The following AKT1 variants were observed in gnomAD, a reference collection of about 807,000 sequenced individuals.
AKT1 encodes AKT serine/threonine kinase 1.
In AKT1, 21 loss-of-function variants were observed where a neutral mutation model predicts 63.1. The ratio of observed to expected loss-of-function variants is 0.33; its 90% CI spans 0.24 to 0.48. The LOEUF (loss-of-function observed/expected upper bound fraction) is 0.48. AKT1 is among the 20% of genes least tolerant of loss of function. The pLI is 0.99. For synonymous variants in AKT1, 257 were observed against 253.1 expected (o/e 1.02, Z -0.15); for missense variants, 382 against 666.0 (o/e 0.57, Z 4.69).
chr14:104,780,348 C>T (rs1035025344), intron 3 of AKT1, 132 bp from the exon 4 acceptor site: 36 of 1,281,488 alleles, frequency 2.8e-5, no homozygotes, highest in Admixed American at 1.0e-4. Flanking sequence ...AGGCGCGGTA[C>T]GGGAGCTGTT....
chr14:104,780,713 G>GCCCCC (rs35707077), intron 3 of AKT1, among the ~76,000 whole-genome samples: 7 of 150,812 alleles, frequency 4.6e-5, no homozygotes, highest in African/African-American at 1.2e-4. Flanking sequence ...CAGCATGGCC[G>GCCCCC]CCCCCCCCGC....
intron 5 of AKT1, chr14:104,776,125 C>G (rs533902720): frequency 6.2e-5 from 18 of 291,790 alleles, no homozygotes; most frequent in Admixed American, 4.4e-4. Context: ...ACTCCGCCCC[C>G]CAAGGAGGAC....
At chr14:104,788,694 C>G (rs112286370) in intron 3 of AKT1, among the ~76,000 whole-genome samples, 68 of 152,290 alleles carry the variant, frequency 4.5e-4, no homozygotes, top group African/African-American at 1.5e-3. Context: ...ACAGCCAGTG[C>G]CAGGACTTCA....
intron 14 of AKT1, 118 bp downstream of exon 14, chr14:104,770,627 G>A: frequency 9.3e-7 from 1 of 1,078,000 alleles, no homozygotes; most frequent in Non-Finnish European, 1.4e-6. Flanking sequence ...CTCTCCAAAA[G>A]GAACCTTTTT....
intron 5 of AKT1, 80 bp downstream of exon 5, chr14:104,776,579 C>T (rs1892727564): frequency 3.2e-6 from 4 of 1,269,654 alleles, no homozygotes; most frequent in Non-Finnish European, 3.3e-6. Context: ...GGCAGAGGTG[C>T]CAGCACCCCG....
At chr14:104,794,396 A>C (rs1401195142) in intron 1 of AKT1, 3 of 152,298 alleles carry the variant, frequency 2.0e-5, no homozygotes, top group Non-Finnish European at 4.4e-5. Flanking sequence ...ATCTGTGCTC[A>C]CACAGGGTGG....
chr14:104,791,757 G>A (rs1218520917), intron 3 of AKT1, among the ~76,000 whole-genome samples: 1 of 152,242 alleles, frequency 6.6e-6, no homozygotes, highest in African/African-American at 2.4e-5. Context: ...GGGGCTGCTG[G>A]CATGAGATCA....
At chr14:104,776,086 C>CT (rs1892697212) in intron 5 of AKT1, 1 of 341,004 alleles carries the variant, frequency 2.9e-6, no homozygotes. Flanking sequence ...CTCCGCCCCC[C>CT]CCAAGCAGGA....
chr14:104,777,668 C>T, intron 4 of AKT1: 1 of 986,418 alleles, frequency 1.0e-6, no homozygotes, highest in African/African-American at 1.7e-5. Flanking sequence ...GCCGCTGGGG[C>T]TCCGTGGCAG....
chr14:104,780,455 T>A (rs1002282934), intron 3 of AKT1, among the ~76,000 whole-genome samples: 2 of 152,148 alleles, frequency 1.3e-5, no homozygotes. Context: ...GAGCTGTGTC[T>A]GAAAACGGGC....
Position 104,770,741 on chromosome 14 carries a change from T to A in AKT1, c.1363+4A>T. 6.2e-7 allele frequency: 1 copy of A among 1,612,088 alleles called. No homozygotes were observed. Among genetic ancestry groups the A allele is most frequent in the Non-Finnish European group, 8.5e-7 (1 of 1,178,174 alleles). On this transcript the variant is annotated splice_donor_region_variant and intron_variant, in intron 14 of 14. Coordinates refer to ENST00000649815, the MANE Select transcript of AKT1 (RefSeq NM_001382430.1). The stretch of plus-strand genomic sequence containing the variant: ...GTGGGCGGGGGCAGGCAGTGGCCCC[T>A]CACCTTGGTCAGGTGGTGTGATGGT...
At chr14:104,788,921 C>T (rs1893478795) in intron 3 of AKT1, among the ~76,000 whole-genome samples, 3 of 152,176 alleles carry the variant, frequency 2.0e-5, no homozygotes, top group Admixed American at 6.5e-5. Flanking sequence ...CTCCGTGAGC[C>T]GCATGGACAC....
At chr14:104,794,163 GC>G (rs541422835) in intron 1 of AKT1, 107 of 152,548 alleles carry the variant, frequency 7.0e-4, no homozygotes, top group Admixed American at 1.0e-3. Context: ...TGGAAAGCAG[GC>G]CAGACTCGAG....
In AKT1 at chr14:104,776,478, C is replaced by T. The variant is rs1308790130; in HGVS notation, c.287+181G>A. 7.3e-6 allele frequency: 4 copies of T among 549,738 alleles called. No individual in the cohort carries two copies. The African/African-American group carries it at 7.7e-5, about 11-fold the overall frequency. The allele number at this position is 549,738 out of a possible 1,614,324, so 34.1% of individuals were successfully genotyped here. ...CAGTTTTTATCTCCAGCCTCAGTTTCCCCACCCAAACCCCACAGGCAGGAC... is the reference window on the plus strand; with the variant it reads ...CAGTTTTTATCTCCAGCCTCAGTTTTCCCACCCAAACCCCACAGGCAGGAC... On this transcript the variant is annotated intron_variant, in intron 5 of 14. Transcript: ENST00000649815.
chr14:104,773,134 G>A (rs754868168), intron 11 of AKT1, 42 bp from the exon 12 acceptor site: 2 of 1,611,864 alleles, frequency 1.2e-6, no homozygotes, highest in Non-Finnish European at 1.7e-6. Context: ...ATCAAGGGGT[G>A]TCCGGGACAC....
chr14:104,793,027 G>A (rs1893707415), intron 2 of AKT1, 100 bp downstream of exon 2: 1 of 370,916 alleles, frequency 2.7e-6, no homozygotes, highest in Non-Finnish European at 5.1e-6. Context: ...CAACAGCCAG[G>A]CCCTGAGAGC....
intron 3 of AKT1, among the ~76,000 whole-genome samples, chr14:104,791,865 G>A (rs1215158580): frequency 2.0e-5 from 3 of 152,226 alleles, no homozygotes; most frequent in South Asian, 2.1e-4. Context: ...AGAGGACCTG[G>A]ACCTGAACAG....
intron 4 of AKT1, 71 bp downstream of exon 4, chr14:104,780,017 G>C (rs2140947723): frequency 6.3e-7 from 1 of 1,575,060 alleles, no homozygotes; most frequent in Non-Finnish European, 8.6e-7. Context: ...CCCATCGTGG[G>C]GCCTGGTGGG....
chr14:104,773,424 G>GCCCTGCCC, intron 10 of AKT1, 31 bp downstream of exon 10: 1 of 1,613,918 alleles, frequency 6.2e-7, no homozygotes, highest in Admixed American at 1.7e-5. Flanking sequence ...GGCCCCCAGG[G>GCCCTGCCC]CCCTGCCCCC....
Sources: gnomAD v4.1 joint callset for allele counts (sites outside exome capture counted in the v4.1 genomes callset) on GRCh38, gnomAD v4.1.1 for gene constraint, MANE v1.5 for transcripts, NCBI Gene and HGNC (gene_info 2026-07-23, HGNC 2026-07-21) for gene names.